PTPRK: variants seen among roughly 807,000 people sequenced by gnomAD.
PTPRK encodes the protein protein tyrosine phosphatase receptor type K.
Under a neutral mutation model 178.0 loss-of-function variants are expected in PTPRK, and 75 were observed. The observed-to-expected ratio is 0.42, with a 90% CI of 0.35 to 0.51. The LOEUF (loss-of-function observed/expected upper bound fraction) is 0.51, where lower values mean the gene tolerates loss of function less well. Ranked by LOEUF, PTPRK falls within the 20% of genes least tolerant of loss-of-function variation. PTPRK has a pLI of 0.02. For synonymous variants in PTPRK, 637 were observed against 620.6 expected (o/e 1.03, Z -0.39); for missense variants, 1,441 against 1,797.8 (o/e 0.80, Z 3.59).
At chr6:128,267,220 C>A (rs952183206) in intron 3 of PTPRK, among the ~76,000 whole-genome samples, 2 of 151,976 alleles carry the variant, frequency 1.3e-5, no homozygotes, top group African/African-American at 4.8e-5. Flanking sequence ...CATCTTTAAA[C>A]AGGCAAAAAT....
chr6:128,389,393 G>T (rs772120341), intron 2 of PTPRK, among the ~76,000 whole-genome samples: 30 of 41,344 alleles, frequency 7.3e-4, no homozygotes, highest in South Asian at 2.4e-3. Flanking sequence ...TGTTTGCTCG[G>T]TTTTTTTTTG....
chr6:128,163,754 G>T (rs1799003238), intron 7 of PTPRK, among the ~76,000 whole-genome samples: 1 of 151,464 alleles, frequency 6.6e-6, no homozygotes, highest in Non-Finnish European at 1.5e-5. Flanking sequence ...AATAAATATT[G>T]TAATTTCAAA....
intron 1 of PTPRK, among the ~76,000 whole-genome samples, chr6:128,451,204 C>A (rs941095071): frequency 6.6e-6 from 1 of 152,072 alleles, no homozygotes; most frequent in African/African-American, 2.4e-5. Context: ...AATATGCCAA[C>A]GTGGGGAACA....
intron 13 of PTPRK, among the ~76,000 whole-genome samples, chr6:128,041,799 T>C (rs1582673963): frequency 1.3e-5 from 2 of 151,272 alleles, no homozygotes; most frequent in East Asian, 3.9e-4. Context: ...CAGTTTTATA[T>C]ATCTATAGTT....
At chr6:128,474,790 G>T (rs1477224622) in intron 1 of PTPRK, among the ~76,000 whole-genome samples, 1 of 152,100 alleles carries the variant, frequency 6.6e-6, no homozygotes, top group African/African-American at 2.4e-5. Flanking sequence ...TCATGTATGG[G>T]TGTTGCGAAT....
intron 1 of PTPRK, among the ~76,000 whole-genome samples, chr6:128,494,345 A>G (rs932015355): frequency 6.6e-6 from 1 of 152,210 alleles, no homozygotes; most frequent in Admixed American, 6.5e-5. Flanking sequence ...TTTAAATTTA[A>G]AAGATAAAAT....
intron 11 of PTPRK, among the ~76,000 whole-genome samples, chr6:128,068,868 C>T (rs1414159151): frequency 2.0e-5 from 3 of 151,226 alleles, no homozygotes; most frequent in Non-Finnish European, 4.4e-5. Flanking sequence ...TTCAATGGAT[C>T]TCCAGGAGGA....
chr6:128,394,437 A>G (rs1208210109), intron 2 of PTPRK, among the ~76,000 whole-genome samples: 1 of 152,182 alleles, frequency 6.6e-6, no homozygotes, highest in Non-Finnish European at 1.5e-5. Flanking sequence ...CTCCAACAGT[A>G]GTATTAGAGG....
intron 2 of PTPRK, among the ~76,000 whole-genome samples, chr6:128,369,957 T>C (rs1836039644): frequency 6.6e-6 from 1 of 151,808 alleles, no homozygotes; most frequent in Non-Finnish European, 1.5e-5. Flanking sequence ...CTTGAAACCA[T>C]TCAAAATATT....
chr6:128,456,930 C>T (rs1214577589), intron 1 of PTPRK, among the ~76,000 whole-genome samples: 1 of 151,988 alleles, frequency 6.6e-6, no homozygotes, highest in Non-Finnish European at 1.5e-5. Context: ...TTTCTATTTC[C>T]CTTTCTTAAA....
chr6:128,441,050 T>C (rs939316160), intron 1 of PTPRK, among the ~76,000 whole-genome samples: 5 of 152,146 alleles, frequency 3.3e-5, no homozygotes, highest in Admixed American at 6.6e-5. Context: ...CCAAAATCTA[T>C]GCTAATATAG....
intron 3 of PTPRK, among the ~76,000 whole-genome samples, chr6:128,315,880 C>T (rs1404167098): frequency 6.6e-6 from 1 of 152,084 alleles, no homozygotes; most frequent in Non-Finnish European, 1.5e-5. Context: ...TATATACACA[C>T]TGAAGTGAAG....
intron 3 of PTPRK, among the ~76,000 whole-genome samples, chr6:128,278,332 AT>A (rs1190607400): frequency 2.0e-5 from 3 of 151,718 alleles, no homozygotes; most frequent in Non-Finnish European, 4.4e-5. Flanking sequence ...AATTTTTTGT[AT>A]TTTTAGTAGA....
At chr6:128,409,783 A>G (rs1216943527) in intron 1 of PTPRK, among the ~76,000 whole-genome samples, 3 of 152,074 alleles carry the variant, frequency 2.0e-5, no homozygotes, top group Non-Finnish European at 2.9e-5. Flanking sequence ...TTTCCTGCAC[A>G]AGCTCTTTTT....
intron 7 of PTPRK, among the ~76,000 whole-genome samples, chr6:128,093,618 A>C (rs1413205696): frequency 6.7e-6 from 1 of 148,490 alleles, no homozygotes; most frequent in Non-Finnish European, 1.5e-5. Context: ...AAAAAAAAAA[A>C]AAAAACGAAA....
At chr6:128,061,263 A>C (rs1780759359) in intron 13 of PTPRK, among the ~76,000 whole-genome samples, 1 of 152,174 alleles carries the variant, frequency 6.6e-6, no homozygotes, top group Admixed American at 6.6e-5. Flanking sequence ...TGAGAGAAAC[A>C]CACACTTTGT....
chr6:127,995,658 C>T, intron 17 of PTPRK, 120 bp from the exon 18 acceptor site: 1 of 566,792 alleles, frequency 1.8e-6, no homozygotes, highest in East Asian at 2.9e-5. Context: ...TATACTACTA[C>T]CAAATCAGTC....
At chr6:128,429,138 G>T (rs948222688) in intron 1 of PTPRK, among the ~76,000 whole-genome samples, 2 of 152,266 alleles carry the variant, frequency 1.3e-5, no homozygotes, top group East Asian at 1.9e-4. Flanking sequence ...TAAACTAGGG[G>T]AAGTCACTTA....
intron 1 of PTPRK, among the ~76,000 whole-genome samples, chr6:128,504,200 A>C (rs1463375241): frequency 6.6e-6 from 1 of 152,200 alleles, no homozygotes; most frequent in East Asian, 1.9e-4. Flanking sequence ...TATTCTTTCA[A>C]AGCATTAGCC....
Sources: gnomAD v4.1 joint callset for allele counts (sites outside exome capture counted in the v4.1 genomes callset) on GRCh38, gnomAD v4.1.1 for gene constraint, MANE v1.5 for transcripts, NCBI Gene and HGNC (gene_info 2026-07-23, HGNC 2026-07-21) for gene names.